DPP10: variants seen among roughly 807,000 people sequenced by gnomAD.
DPP10 encodes the protein dipeptidyl peptidase like 10.
A neutral mutation model predicts 120.9 loss-of-function variants in DPP10; 33 were observed. The ratio of observed to expected loss-of-function variants is 0.27; its 90% CI spans 0.21 to 0.37. The LOEUF is 0.37. DPP10 is among the 10% of genes least tolerant of loss of function. The pLI, the probability that DPP10 is intolerant of heterozygous loss-of-function variation, is 1.00. For synonymous variants in DPP10, 337 were observed against 326.1 expected (o/e 1.03, Z -0.36); for missense variants, 816 against 942.8 (o/e 0.87, Z 1.76).
intron 2 of DPP10, among the ~76,000 whole-genome samples, chr2:115,325,365 A>G (rs2062299630): frequency 6.6e-6 from 1 of 152,194 alleles, no homozygotes; most frequent in Admixed American, 6.5e-5. Context: ...AAATAATAAT[A>G]CAATAGAATA....
chr2:115,733,963 G>T (rs755966195), intron 8 of DPP10, among the ~76,000 whole-genome samples: 1 of 152,180 alleles, frequency 6.6e-6, no homozygotes, highest in Non-Finnish European at 1.5e-5. Flanking sequence ...TTCAATCCAT[G>T]AGTAAATGTG....
At chr2:115,005,300 A>C (rs1446102440) in intron 1 of DPP10, among the ~76,000 whole-genome samples, 1 of 152,200 alleles carries the variant, frequency 6.6e-6, no homozygotes, top group Non-Finnish European at 1.5e-5. Context: ...AACTCTAAAA[A>C]TCAGAGCGCC....
chr2:114,735,861 T>C (rs1677379226), intron 1 of DPP10, among the ~76,000 whole-genome samples: 1 of 151,968 alleles, frequency 6.6e-6, no homozygotes, highest in Admixed American at 6.5e-5. Flanking sequence ...AGAGGGATTT[T>C]CTCAATGTTC....
intron 1 of DPP10, among the ~76,000 whole-genome samples, chr2:114,808,087 C>A (rs1299681228): frequency 6.6e-6 from 1 of 152,136 alleles, no homozygotes; most frequent in Non-Finnish European, 1.5e-5. Flanking sequence ...AAACACATAC[C>A]CTTTTATGAA....
chr2:115,157,397 A>G (rs2051994649), intron 1 of DPP10, among the ~76,000 whole-genome samples: 2 of 152,144 alleles, frequency 1.3e-5, no homozygotes, highest in Admixed American at 6.6e-5. Context: ...TGGGCTATGA[A>G]TTTTTATAAC....
intron 1 of DPP10, among the ~76,000 whole-genome samples, chr2:114,475,205 T>TA (rs1464725130): frequency 6.6e-6 from 1 of 152,158 alleles, no homozygotes; most frequent in East Asian, 1.9e-4. Context: ...CCCAGATTTT[T>TA]AAAAAACACT....
intron 1 of DPP10, among the ~76,000 whole-genome samples, chr2:114,845,236 C>G (rs946220901): frequency 1.3e-5 from 2 of 152,004 alleles, no homozygotes; most frequent in African/African-American, 4.8e-5. Context: ...CTCAATCTTT[C>G]CAATCAAGAA....
intron 3 of DPP10, among the ~76,000 whole-genome samples, chr2:115,356,601 G>T (rs1046376175): frequency 6.6e-6 from 1 of 152,056 alleles, no homozygotes; most frequent in African/African-American, 2.4e-5. Flanking sequence ...TTGAATAGGG[G>T]TAGTGAGAGA....
At chr2:115,482,461 A>G (rs1187772834) in intron 3 of DPP10, among the ~76,000 whole-genome samples, 2 of 151,944 alleles carry the variant, frequency 1.3e-5, no homozygotes, top group Non-Finnish European at 2.9e-5. Context: ...AGAATTGTCT[A>G]ACCATCATTG....
chr2:114,828,220 C>T (rs549485066), intron 1 of DPP10, among the ~76,000 whole-genome samples: 1 of 152,196 alleles, frequency 6.6e-6, no homozygotes, highest in South Asian at 2.1e-4. Context: ...GCCATACCAC[C>T]CTGAACACTC....
At chr2:115,183,366 T>C (rs1347564558) in intron 1 of DPP10, among the ~76,000 whole-genome samples, 2 of 152,200 alleles carry the variant, frequency 1.3e-5, no homozygotes, top group Non-Finnish European at 2.9e-5. Flanking sequence ...CATTCCTACC[T>C]TGGTGCTTTG....
At chr2:114,522,788 G>T (rs1260051043) in intron 1 of DPP10, among the ~76,000 whole-genome samples, 2 of 152,166 alleles carry the variant, frequency 1.3e-5, no homozygotes, top group African/African-American at 2.4e-5. Flanking sequence ...ACGGCAGAAG[G>T]CAAGGAGGAG....
chr2:115,152,183 T>C (rs1004863705), intron 1 of DPP10, among the ~76,000 whole-genome samples: 6 of 152,242 alleles, frequency 3.9e-5, no homozygotes, highest in African/African-American at 1.4e-4. Flanking sequence ...GTAAATATTT[T>C]ACACTGTGTA....
chr2:114,462,448 C>T (rs538787706), intron 1 of DPP10, among the ~76,000 whole-genome samples: 18 of 152,270 alleles, frequency 1.2e-4, no homozygotes, highest in East Asian at 7.7e-4. Context: ...ACTTTCTTTT[C>T]GACAACCTTG....
chr2:114,777,730 T>C (rs1349159327), intron 1 of DPP10, among the ~76,000 whole-genome samples: 1 of 152,162 alleles, frequency 6.6e-6, no homozygotes, highest in Non-Finnish European at 1.5e-5. Context: ...TTTAAATGAC[T>C]ACTTTACATC....
chr2:115,538,074 T>C (rs1575125624), intron 5 of DPP10, among the ~76,000 whole-genome samples: 1 of 151,918 alleles, frequency 6.6e-6, no homozygotes. Context: ...ACTAGCACTC[T>C]AGTGTGTGTC....
intron 3 of DPP10, among the ~76,000 whole-genome samples, chr2:115,366,888 C>A (rs369436529): frequency 2.0e-5 from 3 of 151,978 alleles, no homozygotes; most frequent in Admixed American, 2.0e-4. Flanking sequence ...CACATTGCAC[C>A]CCCAGCAGTA....
chr2:115,764,251 C>A lies in DPP10; in HGVS notation c.1113+1641C>A, dbSNP rs1048557452. ...GTAAGAAGAGCTTAATAGATACTTA[C>A]TGAGTGATTAAGAAGAAAAGTAAAA... On this transcript the variant is annotated intron_variant, in intron 12 of 25. Transcript: ENST00000410059. 2.0e-5 allele frequency among the ~76,000 whole-genome samples: 3 copies of A among 151,836 alleles called. No individual in the cohort carries two copies. In the South Asian group the frequency reaches 6.2e-4, roughly 31 times the overall value.
chr2:115,251,175 A>G (rs181512834), intron 1 of DPP10, among the ~76,000 whole-genome samples: 1 of 152,184 alleles, frequency 6.6e-6, no homozygotes, highest in South Asian at 2.1e-4. Context: ...ATCTATGACT[A>G]TTTTAAACAC....
Sources: gnomAD v4.1 joint callset for allele counts (sites outside exome capture counted in the v4.1 genomes callset) on GRCh38, gnomAD v4.1.1 for gene constraint, MANE v1.5 for transcripts, NCBI Gene and HGNC (gene_info 2026-07-23, HGNC 2026-07-21) for gene names.